Variants in DISC1 observed in about 807,000 individuals in gnomAD.
DISC1 encodes the protein DISC1 scaffold protein, also known as disrupted in schizophrenia 1 protein.
DISC1 carries 57 observed loss-of-function variants against 84.5 expected under a neutral mutation model. That is an observed-to-expected ratio of 0.67 (90% CI 0.55 to 0.84). DISC1 has a LOEUF of 0.84. Ranked by LOEUF, DISC1 falls within the 40% of genes least tolerant of loss-of-function variation. The pLI is 0.00. For synonymous variants in DISC1, 411 were observed against 415.2 expected (o/e 0.99, Z 0.12); for missense variants, 1,000 against 1,057.8 (o/e 0.95, Z 0.76).
intron 9 of DISC1, among the ~76,000 whole-genome samples, chr1:231,948,408 G>A (rs1047971009): frequency 1.3e-5 from 2 of 152,078 alleles, no homozygotes; most frequent in African/African-American, 2.4e-5. Context: ...TGAATAATGG[G>A]AACACATGGA....
chr1:232,005,273 G>A (rs1016722860), intron 10 of DISC1, among the ~76,000 whole-genome samples: 4 of 151,940 alleles, frequency 2.6e-5, no homozygotes, highest in South Asian at 2.1e-4. Flanking sequence ...CTCACATTAT[G>A]AGCCACCATG....
intron 3 of DISC1, among the ~76,000 whole-genome samples, chr1:231,722,156 A>G (rs2069859888): frequency 1.3e-5 from 2 of 151,938 alleles, no homozygotes; most frequent in South Asian, 2.1e-4. Flanking sequence ...CATCTCAAAA[A>G]AAAAAAAAAA....
intron 3 of DISC1, among the ~76,000 whole-genome samples, chr1:231,725,870 G>A (rs972752705): frequency 6.6e-6 from 1 of 152,046 alleles, no homozygotes; most frequent in Non-Finnish European, 1.5e-5. Flanking sequence ...GTCTTTGAGG[G>A]AATGAGATTG....
intron 10 of DISC1, among the ~76,000 whole-genome samples, chr1:231,984,284 C>T (rs1360141930): frequency 3.3e-5 from 5 of 151,958 alleles, no homozygotes; most frequent in Middle Eastern, 3.2e-3. Context: ...TAAAATAAAA[C>T]GTGGAGAATA....
At chr1:231,715,746 C>A (rs2068616593) in intron 3 of DISC1, among the ~76,000 whole-genome samples, 1 of 152,188 alleles carries the variant, frequency 6.6e-6, no homozygotes. Flanking sequence ...GTACTAAAAG[C>A]ACCTTCATGA....
rs1267108092 is a variant in DISC1 at position 231,893,868 on chromosome 1, C to T, written c.1982-64960C>T. On this transcript the variant is annotated intron_variant, in intron 9 of 12. Coordinates refer to ENST00000439617, the MANE Select transcript of DISC1 (RefSeq NM_018662.3). Reference sequence around the variant, plus strand: ...ACTTATGAACAATGAATACAATCTACCACTGATGGTCATTAATGGCCTCAA... The same window carrying T: ...ACTTATGAACAATGAATACAATCTATCACTGATGGTCATTAATGGCCTCAA... Among the ~76,000 whole-genome samples the T allele has an allele frequency of 2.0e-5, 3 of 152,130 alleles. No individual in the cohort carries two copies. The East Asian group carries it at 5.8e-4, about 29-fold the overall frequency.
At chr1:231,736,163 A>G (rs2072462228) in intron 3 of DISC1, among the ~76,000 whole-genome samples, 1 of 152,102 alleles carries the variant, frequency 6.6e-6, no homozygotes, top group Non-Finnish European at 1.5e-5. Context: ...CATGCCTGAC[A>G]CTGAGCTTTT....
chr1:231,963,689 G>A (rs9651123), intron 10 of DISC1, among the ~76,000 whole-genome samples: 3,823 of 152,268 alleles, frequency 0.025, 155 homozygotes, highest in African/African-American at 0.087. Context: ...AGGACAAGCC[G>A]CAGACAAAAC....
At chr1:231,780,821 T>A (rs1191983505) in intron 6 of DISC1, among the ~76,000 whole-genome samples, 3 of 103,464 alleles carry the variant, frequency 2.9e-5, no homozygotes, top group Middle Eastern at 3.8e-3. Flanking sequence ...CATGGAATAC[T>A]ATGCAGCCAT....
chr1:232,026,607 T>A, intron 12 of DISC1, 55 bp downstream of exon 12: 2 of 1,375,346 alleles, frequency 1.5e-6, no homozygotes, highest in Non-Finnish European at 2.0e-6. Flanking sequence ...TAAAAGAGAG[T>A]CTTTAAAGGG....
At chr1:231,779,132 G>T (rs1358869997) in intron 6 of DISC1, among the ~76,000 whole-genome samples, 1 of 152,120 alleles carries the variant, frequency 6.6e-6, no homozygotes, top group Non-Finnish European at 1.5e-5. Context: ...TGCCACCTGG[G>T]TTTTCTTTTT....
At chr1:231,763,465 A>G (rs373142736) in intron 4 of DISC1, among the ~76,000 whole-genome samples, 5 of 152,210 alleles carry the variant, frequency 3.3e-5, no homozygotes, top group Non-Finnish European at 5.9e-5. Context: ...AAATTATGTC[A>G]TATGTTACAA....
intron 1 of DISC1, 38 bp from the exon 2 acceptor site, chr1:231,693,788 C>G (rs1163899097): frequency 1.9e-6 from 3 of 1,611,774 alleles, no homozygotes; most frequent in Non-Finnish European, 2.5e-6. Flanking sequence ...CCAGTAAGAT[C>G]TGCATGTTTA....
At chr1:231,852,231 A>T (rs912453195) in intron 9 of DISC1, among the ~76,000 whole-genome samples, 3 of 152,232 alleles carry the variant, frequency 2.0e-5, no homozygotes, top group African/African-American at 7.2e-5. Context: ...CCTCTGTAAT[A>T]GATGAGGAAT....
chr1:231,664,039 TATCC>T lies in DISC1; in HGVS notation c.68-29750_68-29747del, dbSNP rs57234946. On this transcript the variant is annotated intron_variant, in intron 1 of 12. Transcript: ENST00000439617. ...ATATCTATCTATCTATCCATCTATCTATCCATCCATCCATCCATCCATCCATCCA... is the reference window on the plus strand; with the variant it reads ...ATATCTATCTATCTATCCATCTATCTATCCATCCATCCATCCATCCATCCA... Among the ~76,000 whole-genome samples the T allele has an allele frequency of 2.1e-3, 302 of 146,418 alleles. 2 individuals carry two copies. The highest frequency in any genetic ancestry group is 0.018 in the East Asian group (83 of 4,742).
At chr1:231,689,366 C>G (rs577348338) in intron 1 of DISC1, among the ~76,000 whole-genome samples, 1 of 152,120 alleles carries the variant, frequency 6.6e-6, no homozygotes, top group African/African-American at 2.4e-5. Flanking sequence ...GAGTCTTGCT[C>G]TGTCACCCAG....
intron 9 of DISC1, among the ~76,000 whole-genome samples, chr1:231,928,761 T>C (rs1399591129): frequency 1.3e-5 from 2 of 149,152 alleles, no homozygotes; most frequent in African/African-American, 4.8e-5. Context: ...GTTGTGACTT[T>C]GTTCTCATTG....
intron 9 of DISC1, among the ~76,000 whole-genome samples, chr1:231,909,471 G>A (rs2088990881): frequency 6.6e-6 from 1 of 152,118 alleles, no homozygotes; most frequent in African/African-American, 2.4e-5. Flanking sequence ...GCTGGATTAT[G>A]TTTATTGATT....
intron 10 of DISC1, among the ~76,000 whole-genome samples, chr1:231,978,611 A>T (rs1234937777): frequency 1.3e-5 from 2 of 152,182 alleles, no homozygotes; most frequent in Non-Finnish European, 2.9e-5. Context: ...GGTTTCGTAT[A>T]TTCGTGATAT....
Sources: allele counts gnomAD v4.1 joint callset (sites outside exome capture counted in the v4.1 genomes callset), GRCh38; gene constraint gnomAD v4.1.1; transcripts MANE v1.5; gene names NCBI Gene and HGNC (gene_info 2026-07-23, HGNC 2026-07-21).